The following NUMA1 variants were observed in gnomAD, a reference collection of about 807,000 sequenced individuals.
The protein encoded by NUMA1 is SP-H antigen.
Under a neutral mutation model 237.1 loss-of-function variants are expected in NUMA1, and 62 were observed. That is an observed-to-expected ratio of 0.26 (90% confidence interval 0.21 to 0.32). NUMA1 has a LOEUF of 0.32. Ranked by LOEUF, NUMA1 falls within the 10% of genes least tolerant of loss-of-function variation. The pLI is 1.00. For missense variants in NUMA1, 2,533 were observed against 2,666.5 expected (o/e 0.95, Z 1.10); for synonymous variants, 1,028 against 1,066.1 (o/e 0.96, Z 0.70).
Position 72,015,220 on chromosome 11 carries a change from C to T in NUMA1, c.2283G>A (p.Arg761=). 6.2e-7 allele frequency: 1 copy of T among 1,613,562 alleles called. No homozygotes were observed. Among genetic ancestry groups the T allele is most frequent in the South Asian group, 1.1e-5 (1 of 91,086 alleles). Reference sequence around the variant, plus strand: ...GAGCCTCCAGCCCCTTGCGCCCAGCCCTCTCTTCTTCCAGCTCCTTTCGTT... The same window carrying T: ...GAGCCTCCAGCCCCTTGCGCCCAGCTCTCTCTTCTTCCAGCTCCTTTCGTT... ...KRERKELEEE[R]AGRKGLEARL... is the part of the protein sequence containing the mutation. Residue 761 remains arginine (R), a synonymous_variant, in exon 15 of 27, where the codon AGG becomes AGA. Coordinates refer to ENST00000393695, the MANE Select transcript of NUMA1 (RefSeq NM_006185.4). This position sits in a 1 kb window ranked among gnomAD's most constrained non-coding sequence, Gnocchi z 4.0.
chr11:72,031,899 G>A (rs1940372382), intron 3 of NUMA1, among the ~76,000 whole-genome samples: 1 of 151,820 alleles, frequency 6.6e-6, no homozygotes, highest in African/African-American at 2.4e-5. Context: ...GGAGGACGAG[G>A]AGGGAGAATC....
intron 3 of NUMA1, among the ~76,000 whole-genome samples, chr11:72,032,219 T>C (rs1344334350): frequency 1.3e-5 from 2 of 152,126 alleles, no homozygotes; most frequent in Non-Finnish European, 2.9e-5. Context: ...TTTTTTAACG[T>C]GAAATAAAAT....
chr11:72,040,055 C>T (rs540426468), intron 2 of NUMA1, among the ~76,000 whole-genome samples: 11 of 152,200 alleles, frequency 7.2e-5, no homozygotes, highest in East Asian at 1.9e-4. Context: ...CTCCAAGAGA[C>T]GCCATACAGA....
At chr11:72,074,334 T>C (rs540397282) in intron 1 of NUMA1, among the ~76,000 whole-genome samples, 122 of 152,094 alleles carry the variant, frequency 8.0e-4, no homozygotes, top group African/African-American at 2.7e-3. Flanking sequence ...GTCTGGGTGA[T>C]AGAGAGAGGC....
Position 72,080,471 on chromosome 11 carries a change from C to T in NUMA1, c.-116G>A, listed in dbSNP as rs1289672570. 1 of 152,190 alleles carries T rather than the reference C, an allele frequency of 6.6e-6. No homozygotes were observed. Among genetic ancestry groups the T allele is most frequent in the Non-Finnish European group, 1.5e-5 (1 of 68,050 alleles). The allele number at this position is 152,190 out of a possible 1,614,324, so 9.4% of individuals were successfully genotyped here. ...CGCGCCGGTTACCTGGCTGCGCGCT[C>T]CCGCTCTGCCTCGCGATTCTCCGGA... On this transcript the variant is annotated 5_prime_UTR_variant, in exon 1 of 27. Coordinates refer to ENST00000393695, the MANE Select transcript of NUMA1 (RefSeq NM_006185.4).
At position 72,007,406 on chromosome 11, in the gene NUMA1, G is replaced by A; in HGVS notation, c.5246C>T (p.Thr1749Ile). Residue 1749 changes from threonine (T) to isoleucine (I), a missense_variant, in exon 21 of 27, where the codon ACC becomes ATC. By Grantham distance (89) the Thr-to-Ile change is moderately conservative. Transcript: ENST00000393695. ...SKLPRTQPDG[T>I]SVPGEPASPI... ...TGAGGCTGGTTCTCCAGGGACGCTG[G>A]TGCCGTCTGGCTGGGTACGAGGCAG... 1 of 1,613,790 alleles carries A rather than the reference G, an allele frequency of 6.2e-7. No homozygotes were observed. The highest frequency in any genetic ancestry group is 1.7e-5 in the Admixed American group (1 of 60,008).
At chr11:72,024,833 C>T (rs529405960) in intron 4 of NUMA1, 2 of 159,174 alleles carry the variant, frequency 1.3e-5, no homozygotes, top group Admixed American at 6.2e-5. Context: ...GAAGTTCCCC[C>T]ACTAGGCTGA....
At chr11:72,070,649 A>G (rs898909097) in intron 1 of NUMA1, among the ~76,000 whole-genome samples, 34 of 152,206 alleles carry the variant, frequency 2.2e-4, no homozygotes, top group African/African-American at 8.0e-4. Context: ...CTCTACAAAA[A>G]TACAAAAAAT....
chr11:72,029,272 C>T lies in NUMA1; in HGVS notation c.61G>A (p.Ala21Thr). The change falls in exon 4 of 27, where the codon GCT becomes ACT. Residue 21 changes from alanine (A) to threonine (T), a missense_variant. This residue lies in a region of NUMA1 where 1,414 missense variants were observed against 1,508.1 expected (regional missense o/e 0.94). Transcript: ENST00000393695. ...TGCAGCACAGCCTCCACAGGGTCAG[C>T]CACGTGTAGACTGTTCACCTGTAAA... ...LLSWVNSLHV[A>T]DPVEAVLQLQ... 6.2e-7 allele frequency: 1 copy of T among 1,608,684 alleles called. No homozygotes were observed. Among genetic ancestry groups the T allele is most frequent in the Non-Finnish European group, 8.5e-7 (1 of 1,179,402 alleles).
chr11:72,003,778 C>A, intron 26 of NUMA1, 109 bp downstream of exon 26: 1 of 1,214,770 alleles, frequency 8.2e-7, no homozygotes. Flanking sequence ...TACCCCACAC[C>A]CTCCAGCAGC....
chr11:72,024,613 T>C (rs1435847907), intron 4 of NUMA1: 3 of 478,894 alleles, frequency 6.3e-6, no homozygotes, highest in African/African-American at 5.9e-5. Context: ...TTTGCAAACA[T>C]AAAAAAGCTC....
chr11:72,039,209 A>ACT (rs1941388417), intron 2 of NUMA1, among the ~76,000 whole-genome samples: 1 of 152,248 alleles, frequency 6.6e-6, no homozygotes, highest in Non-Finnish European at 1.5e-5. Flanking sequence ...GCTGAGGCTA[A>ACT]TGTAAACCAC....
chr11:72,029,518 A>G lies in NUMA1; in HGVS notation c.43-228T>C, dbSNP rs556199115. Reference sequence around the variant, plus strand: ...CCCTTCCTTTGGCTTCAACTAAATAAAAGCTTAAACTTTCCTAAGATGTTC... The same window carrying G: ...CCCTTCCTTTGGCTTCAACTAAATAGAAGCTTAAACTTTCCTAAGATGTTC... On this transcript the variant is annotated intron_variant, in intron 3 of 26. Coordinates refer to ENST00000393695, the MANE Select transcript of NUMA1 (RefSeq NM_006185.4). Among the ~76,000 whole-genome samples, 5 of 152,330 alleles carry G rather than the reference A, an allele frequency of 3.3e-5. No homozygotes were observed. The South Asian group carries it at 1.0e-3, about 32-fold the overall frequency.
intron 4 of NUMA1, 21 bp downstream of exon 4, chr11:72,029,184 A>G (rs915809637): frequency 1.3e-6 from 2 of 1,581,020 alleles, no homozygotes. Context: ...GAGGCTAGAA[A>G]GGGGTATGGT....
chr11:72,034,632 C>T (rs557147900), intron 3 of NUMA1, among the ~76,000 whole-genome samples: 1 of 151,944 alleles, frequency 6.6e-6, no homozygotes, highest in East Asian at 1.9e-4. Flanking sequence ...TGCTTGAACC[C>T]AGGAGGCAGA....
chr11:72,009,048 T>C lies in NUMA1; in HGVS notation c.4977A>G (p.Leu1659=), dbSNP rs771404361. Residue 1659 remains leucine (L), a synonymous_variant, in exon 19 of 27, where the codon CTA becomes CTG. Transcript: ENST00000393695. ...CCTTGGTCTTCAGCCCAGCCTGCTG[T>C]AGCTCATGGCCCAGCCGTTCAGCTT... The part of the protein sequence containing the change: ...RAEAERLGHE[L]QQAGLKTKEA... The C allele has an allele frequency of 1.2e-6, 2 of 1,613,780 alleles. No individual in the cohort carries two copies. The highest frequency in any genetic ancestry group is 1.1e-5 in the South Asian group (1 of 91,084).
At chr11:72,078,855 A>G (rs1280449942) in intron 1 of NUMA1, among the ~76,000 whole-genome samples, 1 of 152,218 alleles carries the variant, frequency 6.6e-6, no homozygotes, top group Non-Finnish European at 1.5e-5. Context: ...CCAGGTTCCC[A>G]TATATTCACA....
At position 72,004,225 on chromosome 11, in the gene NUMA1, C is replaced by T. The variant is rs984327447; in HGVS notation, c.6123G>A (p.Gln2041=). ...CATCCCCCTTCAGCCCCAGCCTCAC[C>T]TGTTTAGTAGAAGCTGGAGCTGCTT... is the stretch of plus-strand genomic sequence containing the variant. ...QKKAAPASTK[Q]ADRRQSMAFS... is the part of the protein sequence containing the mutation. The change falls in exon 25 of 27, where the codon CAG becomes CAA. Residue 2041 remains glutamine, a splice_region_variant and synonymous_variant. Transcript: ENST00000393695. 3 of 1,610,084 alleles carry T rather than the reference C, an allele frequency of 1.9e-6. No individual in the cohort carries two copies. The African/African-American group carries it at 4.0e-5, about 22-fold the overall frequency.
At position 72,004,299 on chromosome 11, in the gene NUMA1, G is replaced by A. The variant is rs763458607; in HGVS notation, c.6049C>T (p.Arg2017Ter). 3 of 1,612,996 alleles carry A rather than the reference G, an allele frequency of 1.9e-6. No homozygotes were observed. The highest frequency in any genetic ancestry group is 1.7e-6 in the Non-Finnish European group (2 of 1,179,782). ...TGTTTGCGCCCTTCATGTCGGTCTC[G>A]GGGAGTCATGGGGCGTGGGAAACAG... Reference protein sequence around the residue: ...TSCFPRPMTPRDRHEGRKQST... With the variant: ...TSCFPRPMTP The change falls in exon 25 of 27, where the codon CGA becomes TGA. Residue 2017 changes from arginine to a stop codon, truncating the protein, a stop_gained. Coordinates refer to ENST00000393695, the MANE Select transcript of NUMA1 (RefSeq NM_006185.4). LOFTEE classifies it high-confidence loss of function.
Sources: gnomAD v4.1 joint callset for allele counts (sites outside exome capture counted in the v4.1 genomes callset) on GRCh38, gnomAD v4.1.1 for gene constraint, gnomAD v4.1.1 regional missense constraint, Gnocchi (gnomAD v3.1) non-coding constraint, MANE v1.5 for transcripts, NCBI Gene and HGNC (gene_info 2026-07-23, HGNC 2026-07-21) for gene names.